The following ZBTB20 variants were observed in gnomAD, a reference collection of about 807,000 sequenced individuals.
The protein encoded by ZBTB20 is zinc finger and BTB domain containing 20.
In ZBTB20, 9 loss-of-function variants were observed where a neutral mutation model predicts 56.9. That is an observed-to-expected ratio of 0.16 (90% CI 0.10 to 0.28). ZBTB20 has a LOEUF of 0.28. Among genes scored for constraint, ZBTB20 ranks in the 10% least tolerant of loss-of-function variants. The pLI is 1.00. For synonymous variants in ZBTB20, 417 were observed against 420.7 expected (o/e 0.99, Z 0.11); for missense variants, 655 against 1,003.0 (o/e 0.65, Z 4.69).
At chr3:114,351,920 G>T (rs1254989559) in intron 10 of ZBTB20, 42 bp from the exon 11 acceptor site, 2 of 1,555,938 alleles carry the variant, frequency 1.3e-6, no homozygotes, top group South Asian at 2.4e-5. Context: ...GCATGGGTCA[G>T]ATCTAGCTGG....
chr3:114,944,173 T>C (rs1448058848), intron 3 of ZBTB20, among the ~76,000 whole-genome samples: 1 of 144,938 alleles, frequency 6.9e-6, no homozygotes, highest in African/African-American at 2.8e-5. Context: ...GAGTAAAAGA[T>C]CTGAACACAC....
chr3:114,356,805 T>G (rs1188064298), intron 10 of ZBTB20, among the ~76,000 whole-genome samples: 1 of 152,180 alleles, frequency 6.6e-6, no homozygotes, highest in Non-Finnish European at 1.5e-5. Flanking sequence ...GGAGTCCTGC[T>G]GAATCCCTGC....
chr3:114,487,395 G>T (rs2042256466), intron 7 of ZBTB20, among the ~76,000 whole-genome samples: 1 of 152,152 alleles, frequency 6.6e-6, no homozygotes, highest in Admixed American at 6.5e-5. Context: ...CTTGTAGTTG[G>T]CCTGAAGGGA....
At chr3:114,402,616 G>A (rs901615063) in intron 7 of ZBTB20, among the ~76,000 whole-genome samples, 19 of 152,130 alleles carry the variant, frequency 1.2e-4, no homozygotes, top group African/African-American at 4.6e-4. Context: ...CCTAACTCAC[G>A]ACGAGGATCA....
rs1460727818 is a variant in ZBTB20, at chr3:114,708,357, T to C, written c.-342-14782A>G. ...CTTTAAGATGTTACCACCGAAAAAA[T>C]AAAACTGGCAAAATGCTCTGGAGGG... On this transcript the variant is annotated intron_variant, in intron 5 of 11. Coordinates refer to ENST00000675478, the MANE Select transcript of ZBTB20 (RefSeq NM_001348800.3). 4.6e-5 allele frequency among the ~76,000 whole-genome samples: 7 copies of C among 151,816 alleles called. No homozygotes were observed. In the East Asian group the frequency reaches 1.4e-3, roughly 29 times the overall value.
chr3:114,731,855 T>G (rs949965045), intron 5 of ZBTB20, among the ~76,000 whole-genome samples: 1 of 152,090 alleles, frequency 6.6e-6, no homozygotes, highest in Non-Finnish European at 1.5e-5. Context: ...GTGCCTAGTT[T>G]AGTAACTAAT....
chr3:114,550,894 G>C (rs2050490395), intron 6 of ZBTB20, among the ~76,000 whole-genome samples: 1 of 152,128 alleles, frequency 6.6e-6, no homozygotes, highest in Non-Finnish European at 1.5e-5. Flanking sequence ...GTGATTACAG[G>C]TATGTGCCAC....
At chr3:114,445,065 T>C (rs1368760801) in intron 7 of ZBTB20, among the ~76,000 whole-genome samples, 1 of 152,194 alleles carries the variant, frequency 6.6e-6, no homozygotes, top group Non-Finnish European at 1.5e-5. Context: ...TGACATTTGC[T>C]TTGTCAACGC....
At chr3:115,012,098 A>G (rs962734522) in intron 2 of ZBTB20, among the ~76,000 whole-genome samples, 2 of 151,846 alleles carry the variant, frequency 1.3e-5, no homozygotes, top group Non-Finnish European at 2.9e-5. Context: ...AATTAATCAT[A>G]TCACCAGAGA....
intron 11 of ZBTB20, among the ~76,000 whole-genome samples, chr3:114,348,069 A>G (rs1023005005): frequency 2.0e-5 from 3 of 152,236 alleles, no homozygotes; most frequent in African/African-American, 7.2e-5. Context: ...GTATTTATAC[A>G]TCACGAAGAT....
At chr3:114,940,060 T>C (rs1479766076) in intron 3 of ZBTB20, among the ~76,000 whole-genome samples, 2 of 138,116 alleles carry the variant, frequency 1.4e-5, no homozygotes, top group Admixed American at 6.9e-5. Flanking sequence ...GTATCTTCTG[T>C]GTATGTAAGT....
At chr3:114,593,603 C>T (rs2107579518) in intron 6 of ZBTB20, among the ~76,000 whole-genome samples, 1 of 152,098 alleles carries the variant, frequency 6.6e-6, no homozygotes, top group South Asian at 2.1e-4. Flanking sequence ...AGGCTGGTCT[C>T]GATCTCTCGA....
At chr3:114,843,156 C>T (rs2074463823) in intron 4 of ZBTB20, among the ~76,000 whole-genome samples, 1 of 152,118 alleles carries the variant, frequency 6.6e-6, no homozygotes, top group South Asian at 2.1e-4. Context: ...AACTGTGAGT[C>T]AATTAAGCCT....
At chr3:114,420,013 A>C (rs1394302398) in intron 7 of ZBTB20, among the ~76,000 whole-genome samples, 3 of 152,150 alleles carry the variant, frequency 2.0e-5, no homozygotes, top group Non-Finnish European at 2.9e-5. Context: ...TTGGTTTAGT[A>C]ATGAAAGGTA....
At chr3:114,922,818 C>T (rs1461263173) in intron 3 of ZBTB20, among the ~76,000 whole-genome samples, 1 of 3,080 alleles carries the variant, frequency 3.2e-4, no homozygotes, top group East Asian at 0.056. Flanking sequence ...AAAGAAATCA[C>T]TCAATACATC....
intron 7 of ZBTB20, among the ~76,000 whole-genome samples, chr3:114,426,448 C>CCCTA (rs1164283447): frequency 1.3e-5 from 2 of 151,802 alleles, no homozygotes; most frequent in African/African-American, 4.8e-5. Context: ...TGGCTTTCTA[C>CCCTA]CCTACTTCAG....
intron 5 of ZBTB20, among the ~76,000 whole-genome samples, chr3:114,800,232 C>T (rs1327578384): frequency 1.3e-5 from 2 of 151,890 alleles, no homozygotes; most frequent in Non-Finnish European, 2.9e-5. Flanking sequence ...TGTAGTATTT[C>T]ACAACCTTTG....
chr3:114,645,307 A>G (rs2059779707), intron 6 of ZBTB20, among the ~76,000 whole-genome samples: 1 of 152,204 alleles, frequency 6.6e-6, no homozygotes, highest in Non-Finnish European at 1.5e-5. Context: ...TCACTAATAA[A>G]TAATTACTAT....
At chr3:115,145,507 AG>A (rs904818568) in intron 1 of ZBTB20, among the ~76,000 whole-genome samples, 10 of 116,480 alleles carry the variant, frequency 8.6e-5, no homozygotes, top group Admixed American at 3.4e-4. Context: ...ACCTAATACA[AG>A]TAAATGCCAT....
Sources: allele counts gnomAD v4.1 joint callset (sites outside exome capture counted in the v4.1 genomes callset), GRCh38; gene constraint gnomAD v4.1.1; transcripts MANE v1.5; gene names NCBI Gene and HGNC (gene_info 2026-07-23, HGNC 2026-07-21).